Variants in TMEM163 observed in about 807,000 individuals in gnomAD.
The protein encoded by TMEM163 is transmembrane protein 163.
In TMEM163, 17 loss-of-function variants were observed where a neutral mutation model predicts 29.3. The observed-to-expected ratio is 0.58, with a 90% confidence interval of 0.40 to 0.87. The LOEUF is 0.87. TMEM163 is among the 40% of genes least tolerant of loss of function. The probability of loss-of-function intolerance (pLI) is 0.00; values close to 1 mark genes in which losing one functional copy is unlikely to be tolerated. For synonymous variants in TMEM163, 157 were observed against 160.6 expected, an observed-to-expected ratio of 0.98 and a Z score of 0.17; for missense variants, 303 against 381.5, an observed-to-expected ratio of 0.79 and a Z score of 1.71.
In TMEM163 at chr2:134,529,555, C is replaced by G. The variant is rs1157530100; in HGVS notation, c.458+21015G>C. On this transcript the variant is annotated intron_variant, in intron 4 of 7. Coordinates refer to ENST00000281924, the MANE Select transcript of TMEM163 (RefSeq NM_030923.5). ...TCTGAGGTCAGGAGTTCAAGGCCAG[C>G]CTGGCCAACATGGAGAAACCCCTAT... Among the ~76,000 whole-genome samples, 3 of 151,824 alleles carry G rather than the reference C, an allele frequency of 2.0e-5. No homozygotes were observed. In the South Asian group the frequency reaches 6.3e-4, roughly 32 times the overall value.
chr2:134,520,720 C>G (rs1254600749), intron 4 of TMEM163, among the ~76,000 whole-genome samples: 1 of 152,198 alleles, frequency 6.6e-6, no homozygotes, highest in Non-Finnish European at 1.5e-5. Flanking sequence ...CATTACTAAC[C>G]TCTGACACAG....
At chr2:134,555,297 G>A (rs1243017209) in intron 2 of TMEM163, among the ~76,000 whole-genome samples, 2 of 152,126 alleles carry the variant, frequency 1.3e-5, no homozygotes, top group South Asian at 2.1e-4. Context: ...TTTTCACCAG[G>A]ACGTTTCCAA....
At chr2:134,713,680 C>A (rs748437314) in intron 1 of TMEM163, 2 of 467,802 alleles carry the variant, frequency 4.3e-6, no homozygotes, top group Non-Finnish European at 8.5e-6. Flanking sequence ...CCCACAAGAC[C>A]TTTCTGTTAG....
At chr2:134,483,882 G>A (rs552364155) in intron 5 of TMEM163, among the ~76,000 whole-genome samples, 232 of 152,308 alleles carry the variant, frequency 1.5e-3, no homozygotes, top group African/African-American at 5.0e-3. Context: ...AGTGGCTCAC[G>A]CCTCCAATCC....
At chr2:134,688,352 G>C (rs1420963672) in intron 2 of TMEM163, among the ~76,000 whole-genome samples, 1 of 151,844 alleles carries the variant, frequency 6.6e-6, no homozygotes, top group Non-Finnish European at 1.5e-5. Context: ...TCGGCTGCCA[G>C]AAAACAAATC....
intron 2 of TMEM163, among the ~76,000 whole-genome samples, chr2:134,659,368 G>A (rs920988949): frequency 5.3e-5 from 8 of 152,198 alleles, no homozygotes; most frequent in Non-Finnish European, 1.0e-4. Context: ...GAGAGTCCAA[G>A]AAGACTCAGG....
chr2:134,507,370 A>G (rs970696936), intron 4 of TMEM163, among the ~76,000 whole-genome samples: 1 of 136,306 alleles, frequency 7.3e-6, no homozygotes, highest in African/African-American at 2.8e-5. Flanking sequence ...ATAAATAAAT[A>G]AATAAATACC....
chr2:134,539,513 C>A (rs1237003481), intron 4 of TMEM163, among the ~76,000 whole-genome samples: 2 of 152,140 alleles, frequency 1.3e-5, no homozygotes, highest in Non-Finnish European at 2.9e-5. Context: ...CTCACACTGG[C>A]TTGCTTCCCC....
chr2:134,701,299 T>G (rs539623155), intron 2 of TMEM163, among the ~76,000 whole-genome samples: 6 of 151,988 alleles, frequency 3.9e-5, no homozygotes, highest in African/African-American at 1.4e-4. Context: ...TTTAACAGAC[T>G]CCAGAAAGCA....
chr2:134,629,140 A>G (rs573936177), intron 2 of TMEM163, among the ~76,000 whole-genome samples: 1 of 152,272 alleles, frequency 6.6e-6, no homozygotes, highest in East Asian at 1.9e-4. Context: ...TGTAAATACT[A>G]TTATCACCAC....
At chr2:134,592,023 A>G (rs1362821305) in intron 2 of TMEM163, among the ~76,000 whole-genome samples, 1 of 152,216 alleles carries the variant, frequency 6.6e-6, no homozygotes, top group East Asian at 1.9e-4. Flanking sequence ...TTCAGCCTGG[A>G]AAGGCAGGAC....
intron 2 of TMEM163, among the ~76,000 whole-genome samples, chr2:134,635,002 C>T (rs1683072756): frequency 6.6e-6 from 1 of 152,222 alleles, no homozygotes; most frequent in African/African-American, 2.4e-5. Flanking sequence ...CCAGAAGAAT[C>T]TCAAGTGTGC....
intron 2 of TMEM163, among the ~76,000 whole-genome samples, chr2:134,602,478 G>C (rs754489687): frequency 6.6e-6 from 1 of 152,150 alleles, no homozygotes; most frequent in Non-Finnish European, 1.5e-5. Context: ...CCTAGCCCCA[G>C]TTAGGAAGTG....
chr2:134,571,907 G>A (rs1283293969), intron 2 of TMEM163, among the ~76,000 whole-genome samples: 1 of 152,158 alleles, frequency 6.6e-6, no homozygotes, highest in Admixed American at 6.5e-5. Context: ...AGGAAAGCAG[G>A]TATTCAGCAT....
intron 2 of TMEM163, among the ~76,000 whole-genome samples, chr2:134,673,752 A>C (rs1010241420): frequency 6.6e-6 from 1 of 152,168 alleles, no homozygotes; most frequent in African/African-American, 2.4e-5. Flanking sequence ...AGAAACTGGA[A>C]AGGCAAGAAA....
At chr2:134,461,936 C>T (rs554431861) in intron 6 of TMEM163, among the ~76,000 whole-genome samples, 4 of 152,324 alleles carry the variant, frequency 2.6e-5, no homozygotes, top group South Asian at 2.1e-4. Flanking sequence ...CGCCCACCTT[C>T]CAAAGTGAGG....
chr2:134,558,290 G>A (rs1341973752), intron 2 of TMEM163, among the ~76,000 whole-genome samples: 1 of 152,178 alleles, frequency 6.6e-6, no homozygotes, highest in African/African-American at 2.4e-5. Flanking sequence ...AATGTCACTT[G>A]CAGTCTGAGG....
chr2:134,540,188 G>A (rs977062021), intron 4 of TMEM163, among the ~76,000 whole-genome samples: 12 of 152,214 alleles, frequency 7.9e-5, no homozygotes, highest in Non-Finnish European at 1.2e-4. Flanking sequence ...GCCAGAGGAC[G>A]GGCTACAGCT....
chr2:134,677,224 G>A lies in TMEM163; in HGVS notation c.322+35976C>T, dbSNP rs907021292. On this transcript the variant is annotated intron_variant, in intron 2 of 7. Transcript: ENST00000281924. ...GGTTTCAGACCCTCACGTTGGGACG[G>A]AGGCTGCAGAGCAGTGAGGCCCGCT... Among the ~76,000 whole-genome samples, 5 of 152,194 alleles carry A rather than the reference G, an allele frequency of 3.3e-5. No homozygotes were observed. In the South Asian group the frequency reaches 8.3e-4, roughly 25 times the overall value.
Sources: allele counts gnomAD v4.1 joint callset (sites outside exome capture counted in the v4.1 genomes callset), GRCh38; gene constraint gnomAD v4.1.1; transcripts MANE v1.5; gene names NCBI Gene and HGNC (gene_info 2026-07-23, HGNC 2026-07-21).